MEGF10: variants seen among roughly 807,000 people sequenced by gnomAD.
MEGF10 encodes the protein multiple epidermal growth factor-like domains protein 10.
A neutral mutation model predicts 147.5 loss-of-function variants in MEGF10; 86 were observed. The observed-to-expected ratio is 0.58, with a 90% CI of 0.49 to 0.70. The LOEUF is 0.70. Ranked by LOEUF, MEGF10 falls within the 30% of genes least tolerant of loss-of-function variation. The probability of loss-of-function intolerance (pLI) is 0.00; values close to 1 mark genes in which losing one functional copy is unlikely to be tolerated. For missense variants in MEGF10, 1,329 were observed against 1,487.3 expected (o/e 0.89, Z 1.75); for synonymous variants, 478 against 525.5 (o/e 0.91, Z 1.24).
At chr5:127,454,929 A>G (rs1187988212) in intron 23 of MEGF10, among the ~76,000 whole-genome samples, 1 of 152,160 alleles carries the variant, frequency 6.6e-6, no homozygotes, top group Non-Finnish European at 1.5e-5. Flanking sequence ...ATAAGAAAAG[A>G]TCCACATGGT....
At chr5:127,373,833 G>A (rs1380746108) in intron 5 of MEGF10, among the ~76,000 whole-genome samples, 1 of 152,196 alleles carries the variant, frequency 6.6e-6, no homozygotes, top group Admixed American at 6.5e-5. Flanking sequence ...TGTCCAAAAA[G>A]GAAACCCCAC....
chr5:127,297,034 T>C (rs1759534409), intron 1 of MEGF10, among the ~76,000 whole-genome samples: 1 of 152,216 alleles, frequency 6.6e-6, no homozygotes, highest in African/African-American at 2.4e-5. Context: ...TGGCGCAATC[T>C]CAACTCACTG....
chr5:127,381,843 G>T (rs1255071751), intron 5 of MEGF10, among the ~76,000 whole-genome samples: 1 of 152,062 alleles, frequency 6.6e-6, no homozygotes, highest in African/African-American at 2.4e-5. Context: ...GCTAATTTTT[G>T]TATTTTTAGT....
In MEGF10 at chr5:127,450,328, T is replaced by G. The variant is rs560268876; in HGVS notation, c.2980+1106T>G. Among the ~76,000 whole-genome samples, 9 of 152,354 alleles carry G rather than the reference T, an allele frequency of 5.9e-5. No homozygotes were observed. In the South Asian group the frequency reaches 1.4e-3, roughly 25 times the overall value. ...CCCAGGAGTTTGAGTCTGATCTGGA[T>G]GACATAGCGAGACTCACCTCTTAAA... On this transcript the variant is annotated intron_variant, in intron 22 of 24. Transcript: ENST00000503335.
intron 5 of MEGF10, among the ~76,000 whole-genome samples, chr5:127,370,709 A>G (rs1191321532): frequency 6.6e-6 from 1 of 152,212 alleles, no homozygotes; most frequent in African/African-American, 2.4e-5. Flanking sequence ...GTCATGTAAT[A>G]CAGTTGCTTT....
At chr5:127,319,698 G>A (rs942370825) in intron 1 of MEGF10, among the ~76,000 whole-genome samples, 2 of 152,168 alleles carry the variant, frequency 1.3e-5, no homozygotes, top group African/African-American at 4.8e-5. Context: ...ATGAAAAGGA[G>A]CACTCACAAG....
chr5:127,342,743 C>T (rs2126804664), intron 4 of MEGF10, among the ~76,000 whole-genome samples: 1 of 152,216 alleles, frequency 6.6e-6, no homozygotes, highest in Middle Eastern at 3.4e-3. Flanking sequence ...CAAAGCATCC[C>T]CCAAACTGCT....
upstream of MEGF10, among the ~76,000 whole-genome samples, chr5:127,287,830 A>T (rs1282258521): frequency 6.6e-6 from 1 of 152,082 alleles, no homozygotes; most frequent in Admixed American, 6.5e-5. Context: ...GACTTATTAC[A>T]TCTAAGTTGG....
chr5:127,383,754 A>T (rs1256662546), intron 5 of MEGF10, among the ~76,000 whole-genome samples: 1 of 152,156 alleles, frequency 6.6e-6, no homozygotes, highest in East Asian at 1.9e-4. Context: ...CAGTGAGGAA[A>T]CAAATGTTAT....
chr5:127,432,735 A>G (rs1765424525), intron 13 of MEGF10, among the ~76,000 whole-genome samples: 1 of 152,192 alleles, frequency 6.6e-6, no homozygotes, highest in Admixed American at 6.5e-5. Flanking sequence ...AACTGCATAC[A>G]GTTTCATAAT....
intron 7 of MEGF10, among the ~76,000 whole-genome samples, chr5:127,401,236 C>T (rs764640255): frequency 2.6e-5 from 4 of 152,082 alleles, no homozygotes; most frequent in Non-Finnish European, 4.4e-5. Flanking sequence ...GAGACTAGAG[C>T]GATTTTTACA....
chr5:127,295,825 A>C (rs570721256), intron 1 of MEGF10, among the ~76,000 whole-genome samples: 13 of 152,320 alleles, frequency 8.5e-5, no homozygotes, highest in African/African-American at 3.1e-4. Flanking sequence ...TTTAATAATT[A>C]GTTTAGTTTT....
At chr5:127,282,444 A>G in the MEGF10 span, among the ~76,000 whole-genome samples, 1 of 152,188 alleles carries the variant, frequency 6.6e-6, no homozygotes, top group Non-Finnish European at 1.5e-5. Context: ...TGCACCAATT[A>G]TGATTTACTC....
intron 4 of MEGF10, among the ~76,000 whole-genome samples, chr5:127,343,667 AG>A (rs149866572): frequency 0.014 from 2,167 of 152,218 alleles, 63 homozygotes; most frequent in East Asian, 0.099. Context: ...TGATCTTCTC[AG>A]GGCCAAGCAT....
chr5:127,370,131 A>C (rs1173004306), intron 5 of MEGF10, 129 bp downstream of exon 5: 1 of 580,904 alleles, frequency 1.7e-6, no homozygotes, highest in African/African-American at 1.9e-5. Flanking sequence ...TGCCACGACC[A>C]ACTCAGTCAT....
chr5:127,235,848 C>T, the MEGF10 span, among the ~76,000 whole-genome samples: 79 of 152,270 alleles, frequency 5.2e-4, 1 homozygote, highest in African/African-American at 1.9e-3. Flanking sequence ...GCATAAGATG[C>T]TTGCACTTAA....
chr5:127,340,664 A>G lies in MEGF10; in HGVS notation c.319+34A>G, dbSNP rs761518437. 1.8e-5 allele frequency: 28 copies of G among 1,559,874 alleles called. 2 individuals carry two copies. The highest frequency in any genetic ancestry group is 1.2e-4 in the South Asian group (11 of 89,672). On this transcript the variant is annotated intron_variant, in intron 4 of 24. Coordinates refer to ENST00000503335, the MANE Select transcript of MEGF10 (RefSeq NM_001256545.2). ...GACTGTCACCCCTTTGAGATTCGCT[A>G]GTTTTTCCCAGTGCTGGTTTGCTTC...
At chr5:127,289,777 TA>T (rs916009111), upstream of MEGF10, among the ~76,000 whole-genome samples, 4 of 152,210 alleles carry the variant, frequency 2.6e-5, no homozygotes, top group African/African-American at 9.6e-5. Flanking sequence ...GAAGTCTCTC[TA>T]AAAAGAAAGA....
the MEGF10 span, among the ~76,000 whole-genome samples, chr5:127,237,749 T>G: frequency 7.9e-5 from 12 of 152,008 alleles, no homozygotes; most frequent in Middle Eastern, 6.8e-3. Context: ...CAGGGTGAGA[T>G]TTGAGGACTC....
Sources: gnomAD v4.1 joint callset for allele counts (sites outside exome capture counted in the v4.1 genomes callset) on GRCh38, gnomAD v4.1.1 for gene constraint, MANE v1.5 for transcripts, NCBI Gene and HGNC (gene_info 2026-07-23, HGNC 2026-07-21) for gene names.